RTN1: variants seen among roughly 807,000 people sequenced by gnomAD.
The protein encoded by RTN1 is reticulon 1.
RTN1 carries 25 observed loss-of-function variants against 65.5 expected under a neutral mutation model. The ratio of observed to expected loss-of-function variants is 0.38; its 90% CI spans 0.28 to 0.53. The LOEUF (loss-of-function observed/expected upper bound fraction) is 0.53, where lower values mean the gene tolerates loss of function less well. Among genes scored for constraint, RTN1 ranks in the 20% least tolerant of loss-of-function variants. The pLI, the probability that RTN1 is intolerant of heterozygous loss-of-function variation, is 0.79. For missense variants in RTN1, 983 were observed against 1,025.4 expected, an observed-to-expected ratio of 0.96 and a Z score of 0.57; for synonymous variants, 471 against 447.6, an observed-to-expected ratio of 1.05 and a Z score of -0.66.
rs113170343 is a variant in RTN1 at position 59,746,295 on chromosome 14, A to C, written c.428T>G (p.Leu143Arg). 6.2e-7 allele frequency: 1 copy of C among 1,613,840 alleles called. No homozygotes were observed. Residue 143 changes from leucine (L) to arginine (R), a missense_variant, in exon 2 of 9, where the codon CTG (leucine) becomes CGG (arginine). Coordinates refer to ENST00000267484, the MANE Select transcript of RTN1 (RefSeq NM_021136.3). Reference protein sequence around the residue: ...HVTISESPEELGTPGPSLPDV... With the variant: ...HVTISESPEERGTPGPSLPDV... ...TGGTAAGGAGGGGCCGGGTGTACCC[A>C]GCTCCTCAGGGCTCTCTGAAATGGT...
In RTN1 at chr14:59,734,686, A is replaced by G. The variant is rs528302084; in HGVS notation, c.1016-7018T>C. 3.3e-5 allele frequency among the ~76,000 whole-genome samples: 5 copies of G among 152,352 alleles called. No homozygotes were observed. The South Asian group carries it at 1.0e-3, about 32-fold the overall frequency. On this transcript the variant is annotated intron_variant, in intron 2 of 8. Transcript: ENST00000267484. ...ATAAGACAGGCAGACAAGAATAGAGACAAAAGAATGAAAAAGAATGAACAA... is the reference window on the plus strand; with the variant it reads ...ATAAGACAGGCAGACAAGAATAGAGGCAAAAGAATGAAAAAGAATGAACAA...
chr14:59,680,941 C>T (rs10148598), intron 3 of RTN1, among the ~76,000 whole-genome samples: 117,742 of 152,028 alleles, frequency 0.77, 46,179 homozygotes, highest in African/African-American at 0.89. Flanking sequence ...TGAATTTATA[C>T]AGCCAACATA....
In RTN1 at chr14:59,606,984, T is replaced by C. The variant is rs138780680; in HGVS notation, c.1973+301A>G. On this transcript the variant is annotated intron_variant, in intron 4 of 8. Coordinates refer to ENST00000267484, the MANE Select transcript of RTN1 (RefSeq NM_021136.3). ...TCCCACCTGTAAATAGGGACAAAAA[T>C]GCCTGCTGTGCCTTTCTGATATTGC... Among the ~76,000 whole-genome samples the C allele has an allele frequency of 3.4e-3, 517 of 152,344 alleles. 1 individual carries two copies. The highest frequency in any genetic ancestry group is 0.012 in the African/African-American group (499 of 41,580).
intron 3 of RTN1, 80 bp downstream of exon 3, chr14:59,726,839 A>C: frequency 1.6e-6 from 2 of 1,269,442 alleles, no homozygotes; most frequent in South Asian, 2.9e-5. Context: ...TCCAGGGCTG[A>C]GCCAGAACCG....
intron 3 of RTN1, among the ~76,000 whole-genome samples, chr14:59,689,750 C>T (rs1257914917): frequency 6.6e-6 from 1 of 152,100 alleles, no homozygotes; most frequent in Non-Finnish European, 1.5e-5. Flanking sequence ...TCCAGACAAA[C>T]AAGCACTAAG....
intron 1 of RTN1, among the ~76,000 whole-genome samples, chr14:59,772,651 C>T (rs901306394): frequency 6.6e-6 from 1 of 152,050 alleles, no homozygotes; most frequent in African/African-American, 2.4e-5. Flanking sequence ...TAGGGTACTG[C>T]TTTTCTGCCT....
In RTN1 at chr14:59,870,559, G is replaced by A. The variant is rs1044475430; in HGVS notation, c.72C>T (p.His24=). ...LAGPGSQWLR[H]RGEGENEAVT... ...CCGCTTCGTTCTCCCCCTCCCCCCG[G>A]TGCCTGAGCCACTGGGACCCGGGGC... Residue 24 remains histidine, a synonymous_variant, in exon 1 of 9, where the codon CAC becomes CAT. Coordinates refer to ENST00000267484, the MANE Select transcript of RTN1 (RefSeq NM_021136.3). The surrounding 1 kb of genome is among the most constrained non-coding windows in gnomAD (Gnocchi z 5.1). The A allele has an allele frequency of 2.1e-6, 3 of 1,457,458 alleles. No individual in the cohort carries two copies. Among genetic ancestry groups the A allele is most frequent in the Non-Finnish European group, 2.7e-6 (3 of 1,110,298 alleles). The allele number at this position is 1,457,458 out of a possible 1,614,324, so 90.3% of individuals were successfully genotyped here. A position where few individuals can be genotyped will look rare whatever the true frequency, so the allele number is the denominator to read the frequency against.
At chr14:59,660,476 C>T (rs1402900501) in intron 3 of RTN1, among the ~76,000 whole-genome samples, 7 of 152,066 alleles carry the variant, frequency 4.6e-5, no homozygotes, top group African/African-American at 1.7e-4. Flanking sequence ...CTAAAATTGA[C>T]CATGTAATTG....
chr14:59,751,779 C>T (rs1047348563), intron 1 of RTN1, among the ~76,000 whole-genome samples: 26 of 152,194 alleles, frequency 1.7e-4, no homozygotes, highest in Admixed American at 1.2e-3. Flanking sequence ...CTCCTACCAC[C>T]GGGGTTATCT....
intron 1 of RTN1, among the ~76,000 whole-genome samples, chr14:59,860,847 A>G (rs979169197): frequency 5.9e-5 from 9 of 152,192 alleles, no homozygotes; most frequent in Admixed American, 2.0e-4. Context: ...TCAGACATGC[A>G]TGGGGACTGT....
At chr14:59,663,583 T>C (rs1013406347) in intron 3 of RTN1, among the ~76,000 whole-genome samples, 1 of 151,530 alleles carries the variant, frequency 6.6e-6, no homozygotes, top group African/African-American at 2.4e-5. Flanking sequence ...AATCTGTCCA[T>C]CTCATAAAGG....
At chr14:59,833,522 A>T (rs1031423811) in intron 1 of RTN1, among the ~76,000 whole-genome samples, 6 of 151,994 alleles carry the variant, frequency 3.9e-5, no homozygotes, top group African/African-American at 9.7e-5. Context: ...TTTGAAAAAA[A>T]TTTTTTTTCT....
chr14:59,792,504 G>A (rs998609785), intron 1 of RTN1, among the ~76,000 whole-genome samples: 3 of 152,036 alleles, frequency 2.0e-5, no homozygotes, highest in South Asian at 2.1e-4. Context: ...GGTAAGCTTT[G>A]TTTATTTTTA....
At chr14:59,721,556 A>C (rs919651941) in intron 3 of RTN1, among the ~76,000 whole-genome samples, 3 of 152,218 alleles carry the variant, frequency 2.0e-5, no homozygotes, top group Non-Finnish European at 4.4e-5. Context: ...GTGGGGGTAG[A>C]TTGAGAATCT....
At chr14:59,667,588 T>C (rs1883407602) in intron 3 of RTN1, among the ~76,000 whole-genome samples, 1 of 152,102 alleles carries the variant, frequency 6.6e-6, no homozygotes, top group Non-Finnish European at 1.5e-5. Flanking sequence ...CTATTCAACA[T>C]AGTGTTGGAA....
intron 1 of RTN1, among the ~76,000 whole-genome samples, chr14:59,757,525 A>G (rs1462706194): frequency 6.6e-6 from 1 of 152,024 alleles, no homozygotes; most frequent in Non-Finnish European, 1.5e-5. Flanking sequence ...AGTCAATTAA[A>G]CCTCTTTCCT....
chr14:59,662,879 C>A (rs1883281945), intron 3 of RTN1, among the ~76,000 whole-genome samples: 1 of 152,164 alleles, frequency 6.6e-6, no homozygotes, highest in Admixed American at 6.5e-5. Flanking sequence ...CCTCATCAAG[C>A]TACCATTGAC....
At chr14:59,601,214 A>G (rs576424843) in intron 8 of RTN1, among the ~76,000 whole-genome samples, 6 of 152,036 alleles carry the variant, frequency 3.9e-5, no homozygotes, top group East Asian at 1.9e-4. Flanking sequence ...CATGACTTAC[A>G]TTTTCATGCT....
intron 3 of RTN1, among the ~76,000 whole-genome samples, chr14:59,671,531 A>C (rs912787961): frequency 6.6e-6 from 1 of 152,234 alleles, no homozygotes; most frequent in Admixed American, 6.5e-5. Context: ...TATTTTATTT[A>C]ATCCTCACAA....
Sources: gnomAD v4.1 joint callset for allele counts (sites outside exome capture counted in the v4.1 genomes callset) on GRCh38, gnomAD v4.1.1 for gene constraint, Gnocchi (gnomAD v3.1) non-coding constraint, MANE v1.5 for transcripts, NCBI Gene and HGNC (gene_info 2026-07-23, HGNC 2026-07-21) for gene names.